Variants in SYNE3 observed in about 807,000 individuals in gnomAD.
The protein encoded by SYNE3 is spectrin repeat containing nuclear envelope family member 3.
Under a neutral mutation model 111.2 loss-of-function variants are expected in SYNE3, and 100 were observed. The ratio of observed to expected loss-of-function variants is 0.90; its 90% CI spans 0.77 to 1.06. SYNE3 has a LOEUF of 1.06. Ranked by LOEUF, SYNE3 falls within the 50% of genes least tolerant of loss-of-function variation. The pLI, the probability that SYNE3 is intolerant of heterozygous loss-of-function variation, is 0.00. For missense variants in SYNE3, 1,160 were observed against 1,240.3 expected, an observed-to-expected ratio of 0.94 and a Z score of 0.97; for synonymous variants, 547 against 533.9, an observed-to-expected ratio of 1.02 and a Z score of -0.34.
chr14:95,493,212 T>A (rs191741639), intron 1 of SYNE3, among the ~76,000 whole-genome samples: 2 of 152,312 alleles, frequency 1.3e-5, no homozygotes, highest in African/African-American at 4.8e-5. Context: ...AGACCTTTTT[T>A]TCCAAATGGA....
rs368457491 is a variant in SYNE3, at chr14:95,451,557, C to T, written c.1274+690G>A. On this transcript the variant is annotated intron_variant, in intron 7 of 17. Coordinates refer to ENST00000682763, the MANE Select transcript of SYNE3 (RefSeq NM_152592.6). ...ATCCCACGGGGGATCCAGGCCACTG[C>T]CCCAGTTTTATAGATGTAGGCCTGA... 8.5e-4 allele frequency: 129 copies of T among 152,300 alleles called. 1 individual carries two copies. In the Middle Eastern group the frequency reaches 0.01, roughly 12 times the overall value. The allele number at this position is 152,300 out of a possible 1,614,324, so 9.4% of individuals were successfully genotyped here.
At chr14:95,434,718 C>T (rs965194273) in intron 15 of SYNE3, among the ~76,000 whole-genome samples, 89 of 152,288 alleles carry the variant, frequency 5.8e-4, no homozygotes, top group African/African-American at 2.0e-3. Context: ...AGTGCAATGG[C>T]GCGATCTCGG....
chr14:95,444,248 T>A, intron 10 of SYNE3: 1 of 510,182 alleles, frequency 2.0e-6, no homozygotes, highest in Admixed American at 3.7e-5. Context: ...AACTGAGGAG[T>A]AAACAGAAAG....
intron 8 of SYNE3, chr14:95,449,589 G>T: frequency 1.0e-6 from 1 of 985,484 alleles, no homozygotes; most frequent in Non-Finnish European, 1.2e-6. Context: ...GATACCGCAG[G>T]TCAGGTCAGG....
In SYNE3 at chr14:95,499,856, C is replaced by CTTTTTTTTTTTTTTTTTTTTTT. The variant is rs10547044; in HGVS notation, c.-15+16739_-15+16740insAAAAAAAAAAAAAAAAAAAAAA. The stretch of plus-strand genomic sequence containing the variant: ...AATCCCCTGTATCACTAACTCTTGT[C>CTTTTTTTTTTTTTTTTTTTTTT]TTTTTTTTTTTTTTTTTTTTGAGAT... On this transcript the variant is annotated intron_variant, in intron 1 of 17. Transcript: ENST00000682763. 6.3e-4 allele frequency among the ~76,000 whole-genome samples: 57 copies of CTTTTTTTTTTTTTTTTTTTTTT among 90,062 alleles called. 9 individuals carry two copies. Among genetic ancestry groups the CTTTTTTTTTTTTTTTTTTTTTT allele is most frequent in the African/African-American group, 1.9e-3 (41 of 21,270 alleles). 59.1% of individuals were successfully genotyped at this position (90,062 alleles called of 152,430 possible). A position where few individuals can be genotyped will look rare whatever the true frequency, so the allele number is the denominator to read the frequency against.
chr14:95,492,411 A>T (rs1889892466), intron 1 of SYNE3, among the ~76,000 whole-genome samples: 1 of 152,268 alleles, frequency 6.6e-6, no homozygotes, highest in Non-Finnish European at 1.5e-5. Context: ...CTATCCATAC[A>T]ATGGAATATT....
Position 95,410,380 on chromosome 14 carries a change from C to T in SYNE3, c.*7446G>A, listed in dbSNP as rs1210122547. ...CCCTTCATTCTTACTAGAAGAGCCCCCATCTTTTTGGGGCACATGTTCCCA... is the reference window on the plus strand; with the variant it reads ...CCCTTCATTCTTACTAGAAGAGCCCTCATCTTTTTGGGGCACATGTTCCCA... On this transcript the variant is annotated 3_prime_UTR_variant, in exon 18 of 18. Transcript: ENST00000682763. The T allele has an allele frequency of 6.6e-6, 1 of 152,222 alleles. No homozygotes were observed. The highest frequency in any genetic ancestry group is 1.5e-5 in the Non-Finnish European group (1 of 68,044). The allele number at this position is 152,222 out of a possible 1,614,324, so 9.4% of individuals were successfully genotyped here.
intron 2 of SYNE3, among the ~76,000 whole-genome samples, chr14:95,469,354 A>G (rs1888381560): frequency 6.6e-6 from 1 of 151,908 alleles, no homozygotes; most frequent in South Asian, 2.1e-4. Context: ...TGAGACAACG[A>G]TAACAGTCTC....
At chr14:95,446,138 G>A (rs1886706713) in intron 8 of SYNE3, 47 bp from the exon 9 acceptor site, 1 of 1,602,096 alleles carries the variant, frequency 6.2e-7, no homozygotes. Context: ...GCAGGACACA[G>A]CTCAGAAACA....
At chr14:95,443,041 A>G (rs1252645082) in intron 11 of SYNE3, 114 bp downstream of exon 11, 2 of 1,350,900 alleles carry the variant, frequency 1.5e-6, no homozygotes, top group Non-Finnish European at 2.0e-6. Flanking sequence ...GGGAGAAAGA[A>G]AAAAGAGAGG....
At chr14:95,512,831 CTGGG>C (rs1890771673) in intron 1 of SYNE3, among the ~76,000 whole-genome samples, 1 of 152,078 alleles carries the variant, frequency 6.6e-6, no homozygotes, top group South Asian at 2.1e-4. Context: ...GCACTCCAGC[CTGGG>C]TGACAGAGCA....
chr14:95,432,866 G>A (rs547993384), intron 16 of SYNE3, among the ~76,000 whole-genome samples: 18 of 152,092 alleles, frequency 1.2e-4, no homozygotes, highest in Admixed American at 2.0e-4. Flanking sequence ...ACGCGGCCTC[G>A]GGCAAGGTTT....
chr14:95,465,386 G>A (rs1042675562), intron 4 of SYNE3, among the ~76,000 whole-genome samples: 1 of 152,156 alleles, frequency 6.6e-6, no homozygotes, highest in Non-Finnish European at 1.5e-5. Flanking sequence ...TTGGGGGATG[G>A]GTAGCTAGGT....
intron 1 of SYNE3, among the ~76,000 whole-genome samples, chr14:95,497,809 G>T (rs2139589036): frequency 6.6e-6 from 1 of 152,160 alleles, no homozygotes; most frequent in South Asian, 2.1e-4. Context: ...TGACCAGCAG[G>T]CCACAGTTTG....
chr14:95,495,435 GGT>G lies in SYNE3; in HGVS notation c.-14-19602_-14-19601del, dbSNP rs1178863564. 5.9e-5 allele frequency among the ~76,000 whole-genome samples: 9 copies of G among 152,332 alleles called. No individual in the cohort carries two copies. The East Asian group carries it at 1.7e-3, about 29-fold the overall frequency. On this transcript the variant is annotated intron_variant, in intron 1 of 17. Coordinates refer to ENST00000682763, the MANE Select transcript of SYNE3 (RefSeq NM_152592.6). ...GGTTATCACTGGGTCTTGATCTTAG[GGT>G]GCCAAAGGAGACTCCTGTTGGTTGG...
rs960614489 is a variant in SYNE3 at position 95,416,474 on chromosome 14, A to C, written c.*1352T>G. 1.3e-5 allele frequency: 2 copies of C among 152,266 alleles called. No homozygotes were observed. Among genetic ancestry groups the C allele is most frequent in the African/African-American group, 4.8e-5 (2 of 41,468 alleles). The allele number at this position is 152,266 out of a possible 1,614,324, so 9.4% of individuals were successfully genotyped here. The stretch of plus-strand genomic sequence containing the variant: ...AATTTAGTGTTGATTTAGGAAAAAC[A>C]TGATCCAGTTGTAGAGCACTTAGGA... On this transcript the variant is annotated 3_prime_UTR_variant, in exon 18 of 18. Coordinates refer to ENST00000682763, the MANE Select transcript of SYNE3 (RefSeq NM_152592.6).
intron 2 of SYNE3, among the ~76,000 whole-genome samples, chr14:95,473,349 A>G (rs1888650906): frequency 6.6e-6 from 1 of 151,980 alleles, no homozygotes. Context: ...GGAAAGACCC[A>G]CCAGCAAAGG....
intron 11 of SYNE3, among the ~76,000 whole-genome samples, chr14:95,441,809 G>C (rs1054730759): frequency 1.3e-5 from 2 of 152,246 alleles, no homozygotes; most frequent in Non-Finnish European, 2.9e-5. Flanking sequence ...GGGCTCCACA[G>C]GTGATGCCTT....
At position 95,449,584 on chromosome 14, in the gene SYNE3, C is replaced by T. The variant is rs747948473; in HGVS notation, c.1449+347G>A. On this transcript the variant is annotated intron_variant, in intron 8 of 17. Transcript: ENST00000682763. ...CCTGAATGTCGCTGTTTTAAGATAC[C>T]GCAGGTCAGGTCAGGTTTCTTGCCA... 7.1e-4 allele frequency: 698 copies of T among 985,332 alleles called. 1 individual carries two copies. Among genetic ancestry groups the T allele is most frequent in the Non-Finnish European group, 7.9e-4 (657 of 829,944 alleles). 61.0% of individuals were successfully genotyped at this position (985,332 alleles called of 1,614,324 possible).
Sources: gnomAD v4.1 joint callset for allele counts (sites outside exome capture counted in the v4.1 genomes callset) on GRCh38, gnomAD v4.1.1 for gene constraint, MANE v1.5 for transcripts, NCBI Gene and HGNC (gene_info 2026-07-23, HGNC 2026-07-21) for gene names.